The following CRAT variants were observed in gnomAD, a reference collection of about 807,000 sequenced individuals.
The protein encoded by CRAT is carnitine O-acetyltransferase, also known as carnitine acetylase.
Under a neutral mutation model 73.7 loss-of-function variants are expected in CRAT, and 66 were observed. That is an observed-to-expected ratio of 0.90 (90% CI 0.73 to 1.10). The LOEUF (loss-of-function observed/expected upper bound fraction) is 1.10, where lower values mean the gene tolerates loss of function less well. Among genes scored for constraint, CRAT ranks in the 50% least tolerant of loss-of-function variants. The pLI is 0.00. For synonymous variants in CRAT, 321 were observed against 343.2 expected (o/e 0.94, Z 0.71); for missense variants, 745 against 846.9 (o/e 0.88, Z 1.49).
Position 129,108,051 on chromosome 9 carries a change from G to A in CRAT, c.54C>T (p.Pro18=), listed in dbSNP as rs372807369. The part of the protein sequence containing the change: ...TVVKPLGFLK[P]FSLMKASSRF... ...GGCTGGAAGCCTTCATCAAGGAGAA[G>A]GGCTTCAGGAAGCCCAGAGGCTTCA... Residue 18 remains proline (P), a synonymous_variant, in exon 2 of 14, where the codon CCC becomes CCT. Transcript: ENST00000318080. 6.5e-7 allele frequency: 1 copy of A among 1,531,766 alleles called. No homozygotes were observed. The highest frequency in any genetic ancestry group is 1.3e-5 in the South Asian group (1 of 79,226). The allele number at this position is 1,531,766 out of a possible 1,614,324, so 94.9% of individuals were successfully genotyped here. A position where few individuals can be genotyped will look rare whatever the true frequency, so the allele number is the denominator to read the frequency against.
rs1421877298 is a variant in CRAT at position 129,107,559 on chromosome 9, G to T, written c.291+255C>A. The T allele has an allele frequency of 1.3e-5, 9 of 675,524 alleles. No homozygotes were observed. The highest frequency in any genetic ancestry group is 4.1e-5 in the Admixed American group (2 of 48,528). The allele number at this position is 675,524 out of a possible 1,614,324, so 41.8% of individuals were successfully genotyped here. A position where few individuals can be genotyped will look rare whatever the true frequency, so the allele number is the denominator to read the frequency against. On this transcript the variant is annotated intron_variant, in intron 2 of 13. Coordinates refer to ENST00000318080, the MANE Select transcript of CRAT (RefSeq NM_000755.5). This position sits in a 1 kb window ranked among gnomAD's most constrained non-coding sequence, Gnocchi z 5.0. ...TGCCGTGCACCCCACTCCTGCCTCT[G>T]TCCTGGAACATGAAACCTTGTCCAC...
intron 1 of CRAT, chr9:129,109,050 G>A (rs963272887): frequency 8.0e-7 from 1 of 1,247,912 alleles, no homozygotes; most frequent in Non-Finnish European, 1.0e-6. Context: ...AGAAGTAGAG[G>A]AATGGGGAGC....
intron 1 of CRAT, chr9:129,108,918 CAA>C (rs1848188392): frequency 1.6e-6 from 2 of 1,277,000 alleles, no homozygotes; most frequent in East Asian, 1.1e-4. Context: ...AAAGAGAAGA[CAA>C]GAGCCAAGAT....
chr9:129,097,255 C>A lies in CRAT; in HGVS notation c.1522G>T (p.Asp508Tyr). 6.4e-7 allele frequency: 1 copy of A among 1,559,416 alleles called. No homozygotes were observed. Among genetic ancestry groups the A allele is most frequent in the South Asian group, 1.2e-5 (1 of 84,152 alleles). The change falls in exon 12 of 14, where the codon GAC (aspartate) becomes TAC (tyrosine). Residue 508 changes from aspartate (D) to tyrosine (Y), a missense_variant. Transcript: ENST00000318080. ...KAVQAHRGYTDRAIRGEAFDR... is the reference protein window; with the variant it reads ...KAVQAHRGYTYRAIRGEAFDR... ...GCACAAGCGGGCTCACTTACCCGGT[C>A]GGTGTAGCCTCGGTGGGCCTGCACG...
Position 129,101,913 on chromosome 9 carries a change from A to T in CRAT, c.775T>A (p.Trp259Arg). The change falls in exon 6 of 14, where the codon TGG becomes AGG. Residue 259 changes from tryptophan to arginine, a missense_variant. Transcript: ENST00000318080. ...GILTSNHRNS[W>R]AKAYNTLIKD... ...ATGAGGGTGTTGTATGCCTTGGCCC[A>T]GGAGTTGCGGTGGTTGGAGGTGAGG... is the stretch of plus-strand genomic sequence containing the variant. 1 of 1,614,080 alleles carries T rather than the reference A, an allele frequency of 6.2e-7. No individual in the cohort carries two copies. The highest frequency in any genetic ancestry group is 8.5e-7 in the Non-Finnish European group (1 of 1,179,982).
intron 1 of CRAT, chr9:129,108,378 G>A: frequency 8.2e-7 from 1 of 1,216,630 alleles, no homozygotes; most frequent in Non-Finnish European, 1.0e-6. Flanking sequence ...CCGCCCACCT[G>A]TTGGGTTGCA....
rs747243845 is a variant in CRAT, at chr9:129,101,880, C to T, written c.805+3G>A. On this transcript the variant is annotated splice_donor_region_variant and intron_variant, in intron 6 of 13. Transcript: ENST00000318080. ...CAGCCCCAGCACGGCCCCCAAGAGG[C>T]ACCTTTGATGAGGGTGTTGTATGCC... 6 of 1,613,062 alleles carry T rather than the reference C, an allele frequency of 3.7e-6. No homozygotes were observed. In the East Asian group the frequency reaches 1.3e-4, roughly 36 times the overall value.
intron 11 of CRAT, among the ~76,000 whole-genome samples, 179 bp from the exon 12 acceptor site, chr9:129,097,491 T>C (rs1319921404): frequency 6.6e-6 from 1 of 151,970 alleles, no homozygotes; most frequent in African/African-American, 2.4e-5. Flanking sequence ...GGTGGATCCC[T>C]TGAGGTCAGG....
intron 12 of CRAT, 135 bp downstream of exon 12, chr9:129,097,115 G>T: frequency 1.5e-6 from 1 of 668,714 alleles, no homozygotes; most frequent in Non-Finnish European, 2.4e-6. Context: ...CCTGGCTCCA[G>T]GTGCTCCCAG....
chr9:129,099,022 G>T (rs1469091362), intron 8 of CRAT, among the ~76,000 whole-genome samples: 1 of 151,122 alleles, frequency 6.6e-6, no homozygotes, highest in Middle Eastern at 3.2e-3. Context: ...TGTCACCCAG[G>T]CTGGAGCAAT....
At chr9:129,104,903 CTT>C (rs36193924) in intron 2 of CRAT, among the ~76,000 whole-genome samples, 1 of 103,456 alleles carries the variant, frequency 9.7e-6, no homozygotes, top group Non-Finnish European at 1.9e-5. Context: ...TGTGCCCGGT[CTT>C]TTTTTTTTTT....
intron 8 of CRAT, 101 bp from the exon 9 acceptor site, chr9:129,098,751 G>A (rs1003044412): frequency 1.4e-6 from 2 of 1,409,310 alleles, no homozygotes; most frequent in African/African-American, 1.5e-5. Context: ...GCTGGAGGGG[G>A]CCAGCCCAGG....
Position 129,102,516 on chromosome 9 carries a change from G to A in CRAT, c.514C>T (p.Gln172Ter). Reference protein sequence around the residue: ...YLGGKPLCMNQYYQILSSCRV... With the variant: ...YLGGKPLCMN ...CAGGAGGACAAGATCTGATAGTACT[G>A]GTTCATGCACAGTGGCTTCCCCCCC... The change falls in exon 5 of 14, where the codon CAG becomes TAG. Residue 172 changes from glutamine (Q) to a stop codon, truncating the protein, a stop_gained. Transcript: ENST00000318080. LOFTEE classifies it high-confidence loss of function. 8 of 1,614,160 alleles carry A rather than the reference G, an allele frequency of 5.0e-6. No homozygotes were observed. Among genetic ancestry groups the A allele is most frequent in the Non-Finnish European group, 6.8e-6 (8 of 1,180,008 alleles).
At chr9:129,101,824 G>A in intron 6 of CRAT, 59 bp downstream of exon 6, 2 of 1,552,878 alleles carry the variant, frequency 1.3e-6, no homozygotes, top group South Asian at 2.3e-5. Flanking sequence ...AGTTGAGGCT[G>A]GTCCCCAACA....
intron 1 of CRAT, chr9:129,109,145 A>G (rs774015930): frequency 7.7e-7 from 1 of 1,304,062 alleles, no homozygotes; most frequent in South Asian, 1.2e-5. Context: ...GCTCAGTGCC[A>G]GGGAGTCAGG....
rs374143667 is a variant in CRAT at position 129,098,347 on chromosome 9, G to A, written c.1230C>T (p.Thr410=). Residue 410 remains threonine (T), a synonymous_variant, in exon 10 of 14, where the codon ACC becomes ACT. Coordinates refer to ENST00000318080, the MANE Select transcript of CRAT (RefSeq NM_000755.5). ...TTCCAAAATGGTGGAACACCATCAC[G>A]GTGATATCCAGGTCCTGGATCATGC... ...LSIMIQDLDI[T]VMVFHHFGKD... 2 of 1,613,946 alleles carry A rather than the reference G, an allele frequency of 1.2e-6. No homozygotes were observed. The highest frequency in any genetic ancestry group is 1.7e-6 in the Non-Finnish European group (2 of 1,180,030).
At chr9:129,097,128 T>G in intron 12 of CRAT, 122 bp downstream of exon 12, 2 of 776,678 alleles carry the variant, frequency 2.6e-6, no homozygotes, top group Non-Finnish European at 3.9e-6. Flanking sequence ...GCTCCCAGGT[T>G]GGGGGAGATG....
intron 4 of CRAT, 67 bp from the exon 5 acceptor site, chr9:129,102,632 G>T: frequency 6.4e-7 from 1 of 1,555,378 alleles, no homozygotes; most frequent in South Asian, 1.1e-5. Context: ...AGGGTAGACA[G>T]GGACCTGCTA....
In CRAT at chr9:129,110,475, G is replaced by T; in HGVS notation, c.27+8C>A. ...AGGGCCCTCAGGCCCGGGATCCGCCGCACTCACCACGGTCCTGGCAGCGAA... is the reference window on the plus strand; with the variant it reads ...AGGGCCCTCAGGCCCGGGATCCGCCTCACTCACCACGGTCCTGGCAGCGAA... On this transcript the variant is annotated splice_region_variant and intron_variant, in intron 1 of 13. Transcript: ENST00000318080. This position sits in a 1 kb window ranked among gnomAD's most constrained non-coding sequence, Gnocchi z 5.3. 6.3e-7 allele frequency: 1 copy of T among 1,582,522 alleles called. No homozygotes were observed. Among genetic ancestry groups the T allele is most frequent in the Non-Finnish European group, 8.5e-7 (1 of 1,171,376 alleles).
Sources: gnomAD v4.1 joint callset for allele counts (sites outside exome capture counted in the v4.1 genomes callset) on GRCh38, gnomAD v4.1.1 for gene constraint, Gnocchi (gnomAD v3.1) non-coding constraint, MANE v1.5 for transcripts, NCBI Gene and HGNC (gene_info 2026-07-23, HGNC 2026-07-21) for gene names.